DOCK5: variants seen among roughly 807,000 people sequenced by gnomAD.
DOCK5 encodes dedicator of cytokinesis 5.
A neutral mutation model predicts 251.8 loss-of-function variants in DOCK5; 142 were observed. The observed-to-expected ratio is 0.56, with a 90% CI of 0.49 to 0.65. The LOEUF (loss-of-function observed/expected upper bound fraction) is 0.65. Ranked by LOEUF, DOCK5 falls within the 30% of genes least tolerant of loss-of-function variation. DOCK5 has a pLI of 0.00. For synonymous variants in DOCK5, 842 were observed against 835.5 expected, an observed-to-expected ratio of 1.01 and a Z score of -0.13; for missense variants, 2,111 against 2,312.3, an observed-to-expected ratio of 0.91 and a Z score of 1.79.
intron 2 of DOCK5, among the ~76,000 whole-genome samples, chr8:25,265,852 G>C (rs1223226183): frequency 6.6e-6 from 1 of 151,850 alleles, no homozygotes; most frequent in African/African-American, 2.4e-5. Flanking sequence ...TGAGAAGCCA[G>C]ATTTAAAGTA....
chr8:25,356,084 G>A lies in DOCK5; in HGVS notation c.2851-2879G>A, dbSNP rs530246312. Among the ~76,000 whole-genome samples, 9 of 149,978 alleles carry A rather than the reference G, an allele frequency of 6.0e-5. No homozygotes were observed. In the South Asian group the frequency reaches 1.1e-3, roughly 18 times the overall value. The stretch of plus-strand genomic sequence containing the variant: ...TTGTGGTGATGCATGGCTGTAGTCC[G>A]AGCTATTGGGAGGCTGAGGCAGGGG... On this transcript the variant is annotated intron_variant, in intron 27 of 51. Transcript: ENST00000276440.
chr8:25,231,227 C>T (rs926040449), intron 1 of DOCK5, among the ~76,000 whole-genome samples: 1 of 152,162 alleles, frequency 6.6e-6, no homozygotes, highest in African/African-American at 2.4e-5. Context: ...TGCATGCACT[C>T]ATTTTCCCTG....
At chr8:25,368,039 T>C (rs1047206766) in intron 31 of DOCK5, among the ~76,000 whole-genome samples, 153 bp from the exon 32 acceptor site, 3 of 152,202 alleles carry the variant, frequency 2.0e-5, no homozygotes, top group African/African-American at 7.2e-5. Context: ...TCATTCCTTT[T>C]GGGGGCTCGT....
chr8:25,310,656 TG>T, intron 13 of DOCK5, 124 bp downstream of exon 13: 3 of 1,160,178 alleles, frequency 2.6e-6, no homozygotes, highest in Non-Finnish European at 3.5e-6. Context: ...CTGAGACACC[TG>T]GGACACAAAC....
intron 50 of DOCK5, 77 bp downstream of exon 50, chr8:25,409,017 A>G (rs1801572355): frequency 6.3e-7 from 1 of 1,585,424 alleles, no homozygotes; most frequent in Non-Finnish European, 8.7e-7. Context: ...GTTTGTAACT[A>G]AACCAGCCAG....
rs143767993 is a variant in DOCK5, at chr8:25,383,993, A to G, written c.4131+1215A>G. 6.8e-4 allele frequency among the ~76,000 whole-genome samples: 104 copies of G among 152,370 alleles called. No homozygotes were observed. The East Asian group carries it at 0.019, about 28-fold the overall frequency. On this transcript the variant is annotated intron_variant, in intron 40 of 51. Coordinates refer to ENST00000276440, the MANE Select transcript of DOCK5 (RefSeq NM_024940.8). ...GTACAGGAATATTTATAGCAGCTTT[A>G]ATCATAGTCACCAAAGACAGGATCC...
rs1318187961 is a variant in DOCK5 at position 25,345,594 on chromosome 8, C to A, written c.2737C>A (p.Leu913Met). 6.2e-7 allele frequency: 1 copy of A among 1,613,768 alleles called. No homozygotes were observed. The highest frequency in any genetic ancestry group is 1.1e-5 in the South Asian group (1 of 91,086). Residue 913 changes from leucine to methionine, a missense_variant, in exon 26 of 52, where the codon CTG becomes ATG. Coordinates refer to ENST00000276440, the MANE Select transcript of DOCK5 (RefSeq NM_024940.8). ...SQLLSNILEV[L>M]DRKDVGATAV... Reference sequence around the variant, plus strand: ...GCTTCTGAGCAACATCCTGGAGGTGCTGGACAGGAAGGATGTGGTGAGTTG... The same window carrying A: ...GCTTCTGAGCAACATCCTGGAGGTGATGGACAGGAAGGATGTGGTGAGTTG...
intron 43 of DOCK5, 131 bp from the exon 44 acceptor site, chr8:25,392,665 G>A (rs1323606734): frequency 2.5e-6 from 2 of 786,742 alleles, no homozygotes; most frequent in African/African-American, 1.7e-5. Context: ...CAGTCTCTAC[G>A]AGGCATTTGA....
At chr8:25,291,649 C>A (rs533601777) in intron 5 of DOCK5, among the ~76,000 whole-genome samples, 1 of 148,924 alleles carries the variant, frequency 6.7e-6, no homozygotes, top group East Asian at 2.0e-4. Context: ...TGCCACTGCA[C>A]TCCAGCCTGG....
At chr8:25,263,708 C>T (rs1586276445) in intron 2 of DOCK5, among the ~76,000 whole-genome samples, 1 of 151,750 alleles carries the variant, frequency 6.6e-6, no homozygotes, top group East Asian at 1.9e-4. Context: ...GCTCTGACAC[C>T]CCGTCTGCTC....
rs891591498 is a variant in DOCK5 at position 25,414,488 on chromosome 8, T to C, written c.*3190T>C. On this transcript the variant is annotated 3_prime_UTR_variant, in exon 52 of 52. Transcript: ENST00000276440. ...CAATTTCCTAATGTAGAACAAGATA[T>C]AAAGCAGGCTTTGAGACAACAACCT... 17 of 152,234 alleles carry C rather than the reference T, an allele frequency of 1.1e-4. No homozygotes were observed. Among genetic ancestry groups the C allele is most frequent in the African/African-American group, 3.1e-4 (13 of 41,468 alleles). The allele number at this position is 152,234 out of a possible 1,614,324, so 9.4% of individuals were successfully genotyped here.
At chr8:25,250,575 C>A (rs1290218853) in intron 2 of DOCK5, among the ~76,000 whole-genome samples, 1 of 152,190 alleles carries the variant, frequency 6.6e-6, no homozygotes, top group African/African-American at 2.4e-5. Context: ...GTCATTTATT[C>A]ATTCAACATT....
At chr8:25,399,011 G>C (rs2117332044) in intron 45 of DOCK5, among the ~76,000 whole-genome samples, 1 of 152,242 alleles carries the variant, frequency 6.6e-6, no homozygotes, top group East Asian at 1.9e-4. Flanking sequence ...TTTATATAAT[G>C]GGGGGTTTGG....
chr8:25,342,493 T>A lies in DOCK5; in HGVS notation c.2603T>A (p.Leu868His), dbSNP rs773763635. 6.3e-7 allele frequency: 1 copy of A among 1,586,038 alleles called. No homozygotes were observed. Among genetic ancestry groups the A allele is most frequent in the Non-Finnish European group, 8.6e-7 (1 of 1,163,790 alleles). ...NCMTKIVEST[L>H]FRQSECREVL... ...ATGACCAAGATAGTAGAGAGCACTC[T>A]TTTTCGACAGTCAGGTAAGTCTCCT... The change falls in exon 25 of 52, where the codon CTT becomes CAT. Residue 868 changes from leucine to histidine, a missense_variant. This residue lies in a region of DOCK5 where 1,717 missense variants were observed against 1,892.4 expected (regional missense o/e 0.91). Transcript: ENST00000276440.
chr8:25,366,229 G>A (rs933594412), intron 30 of DOCK5, among the ~76,000 whole-genome samples: 3 of 152,182 alleles, frequency 2.0e-5, no homozygotes, highest in Admixed American at 6.5e-5. Context: ...GGTGGCTCAC[G>A]CCTATAGTCT....
intron 49 of DOCK5, 51 bp downstream of exon 49, chr8:25,408,205 C>G (rs1322121938): frequency 6.6e-7 from 1 of 1,512,108 alleles, no homozygotes; most frequent in African/African-American, 1.4e-5. Context: ...GCCCCCCTCT[C>G]CCCTGTACCC....
At chr8:25,381,949 C>G (rs1409890661) in intron 39 of DOCK5, among the ~76,000 whole-genome samples, 1 of 152,158 alleles carries the variant, frequency 6.6e-6, no homozygotes, top group Non-Finnish European at 1.5e-5. Context: ...TTATAATTTA[C>G]CAGACACTTT....
chr8:25,352,789 A>G (rs1001601860), intron 27 of DOCK5, among the ~76,000 whole-genome samples: 1 of 152,226 alleles, frequency 6.6e-6, no homozygotes, highest in Non-Finnish European at 1.5e-5. Flanking sequence ...AGTTACAGCA[A>G]AATAAACTAC....
At chr8:25,410,972 TGC>T (rs869174248) in intron 51 of DOCK5, among the ~76,000 whole-genome samples, 24 of 19,166 alleles carry the variant, frequency 1.3e-3, no homozygotes, top group Non-Finnish European at 1.3e-3. Context: ...TGTGTGTGTG[TGC>T]GCGCGCGCGC....
Sources: allele counts gnomAD v4.1 joint callset (sites outside exome capture counted in the v4.1 genomes callset), GRCh38; gene constraint gnomAD v4.1.1; regional missense constraint gnomAD v4.1.1; transcripts MANE v1.5; gene names NCBI Gene and HGNC (gene_info 2026-07-23, HGNC 2026-07-21).